NECTIN1: variants seen among roughly 807,000 people sequenced by gnomAD.
NECTIN1 encodes nectin cell adhesion molecule 1, also known as nectin-1.
NECTIN1 carries 23 observed loss-of-function variants against 48.0 expected under a neutral mutation model. The ratio of observed to expected loss-of-function variants is 0.48; its 90% CI spans 0.34 to 0.68. The LOEUF (loss-of-function observed/expected upper bound fraction) is 0.68. Among genes scored for constraint, NECTIN1 ranks in the 30% least tolerant of loss-of-function variants. The pLI is 0.01. For synonymous variants in NECTIN1, 270 were observed against 288.9 expected (o/e 0.93, Z 0.66); for missense variants, 591 against 709.9 (o/e 0.83, Z 1.90).
At position 119,663,964 on chromosome 11, in the gene NECTIN1, G is replaced by T. The variant is rs1334706841; in HGVS notation, c.*783C>A. ...GCAGTGTGTGCATGTGTGTGTGTGT[G>T]CACGTGTCAGCAGAGGCAGAGAGCA... On this transcript the variant is annotated 3_prime_UTR_variant, in exon 6 of 6. Transcript: ENST00000264025. 3.0e-6 allele frequency: 3 copies of T among 986,054 alleles called. No individual in the cohort carries two copies. Among genetic ancestry groups the T allele is most frequent in the Non-Finnish European group, 3.6e-6 (3 of 830,540 alleles). The allele number at this position is 986,054 out of a possible 1,614,324, so 61.1% of individuals were successfully genotyped here.
At position 119,680,856 on chromosome 11, in the gene NECTIN1, G is replaced by C. The variant is rs1023095604; in HGVS notation, c.80-2091C>G. 3.3e-5 allele frequency among the ~76,000 whole-genome samples: 5 copies of C among 152,310 alleles called. 1 individual carries two copies. The East Asian group carries it at 9.6e-4, about 29-fold the overall frequency. ...TCGGAGCTGATGCTCCCTGGGCAGAGGCCCCATGGGTTGGGAATACGATGG... is the reference window on the plus strand; with the variant it reads ...TCGGAGCTGATGCTCCCTGGGCAGACGCCCCATGGGTTGGGAATACGATGG... On this transcript the variant is annotated intron_variant, in intron 1 of 5. Coordinates refer to ENST00000264025, the MANE Select transcript of NECTIN1 (RefSeq NM_002855.5).
rs1864878112 is a variant in NECTIN1, at chr11:119,672,652, G to C, written c.1003+2507C>G. On this transcript the variant is annotated intron_variant, in intron 5 of 5. Coordinates refer to ENST00000264025, the MANE Select transcript of NECTIN1 (RefSeq NM_002855.5). The surrounding 1 kb of genome is among the most constrained non-coding windows in gnomAD (Gnocchi z 4.3). ...AGTCTAACCCACACACCTCGCCACG[G>C]TGCTTCCTGGCTGAGAGCCCTTCAG... Among the ~76,000 whole-genome samples, 1 of 152,146 alleles carries C rather than the reference G, an allele frequency of 6.6e-6. No homozygotes were observed. Among genetic ancestry groups the C allele is most frequent in the Non-Finnish European group, 1.5e-5 (1 of 68,022 alleles).
intron 1 of NECTIN1, among the ~76,000 whole-genome samples, chr11:119,705,904 A>C (rs1377030831): frequency 6.7e-6 from 1 of 150,106 alleles, no homozygotes; most frequent in Non-Finnish European, 1.5e-5. Flanking sequence ...CTGGCAGCCC[A>C]CTCCTTCTCC....
intron 1 of NECTIN1, among the ~76,000 whole-genome samples, chr11:119,686,377 C>A (rs1865154406): frequency 6.6e-6 from 1 of 152,178 alleles, no homozygotes; most frequent in African/African-American, 2.4e-5. Flanking sequence ...CCAAGCCTTG[C>A]CCCTTGTCCA....
chr11:119,698,291 A>C (rs963060840), intron 1 of NECTIN1, among the ~76,000 whole-genome samples: 1 of 151,980 alleles, frequency 6.6e-6, no homozygotes, highest in South Asian at 2.1e-4. Context: ...TGTCATAACT[A>C]CCCCCGACAC....
chr11:119,677,497 A>T lies in NECTIN1; in HGVS notation c.733+58T>A, dbSNP rs970916564. On this transcript the variant is annotated intron_variant, in intron 3 of 5. Transcript: ENST00000264025. The surrounding 1 kb of genome is among the most constrained non-coding windows in gnomAD (Gnocchi z 5.4). ...GAAAGGGAGGAGAAAGGAGAGGAGG[A>T]GGGAGGAGGGACAGTGGCGCCCACC... is the stretch of plus-strand genomic sequence containing the variant. 2.1e-5 allele frequency: 32 copies of T among 1,549,760 alleles called. No individual in the cohort carries two copies. Among genetic ancestry groups the T allele is most frequent in the Middle Eastern group, 4.4e-4 (2 of 4,514 alleles).
At chr11:119,648,307 A>ATGCTGGTGATGGTGGTGG (rs1864434148) in intron 5 of NECTIN1, among the ~76,000 whole-genome samples, 1 of 10,418 alleles carries the variant, frequency 9.6e-5, no homozygotes, top group Non-Finnish European at 1.8e-4. Flanking sequence ...GGTGGTGGTG[A>ATGCTGGTGATGGTGGTGG]TGGTGGTGAT....
intron 5 of NECTIN1, among the ~76,000 whole-genome samples, chr11:119,648,147 G>A (rs114169557): frequency 0.018 from 2,627 of 144,186 alleles, 95 homozygotes; most frequent in South Asian, 0.055. Flanking sequence ...ACTGAGCGGC[G>A]CCCAGAAATA....
chr11:119,662,993 G>T lies in NECTIN1; in HGVS notation c.*1754C>A. The T allele has an allele frequency of 1.0e-6, 1 of 984,274 alleles. No individual in the cohort carries two copies. Among genetic ancestry groups the T allele is most frequent in the Middle Eastern group, 5.2e-4 (1 of 1,914 alleles). 61.0% of individuals were successfully genotyped at this position (984,274 alleles called of 1,614,324 possible). A position where few individuals can be genotyped will look rare whatever the true frequency, so the allele number is the denominator to read the frequency against. On this transcript the variant is annotated 3_prime_UTR_variant, in exon 6 of 6. Coordinates refer to ENST00000264025, the MANE Select transcript of NECTIN1 (RefSeq NM_002855.5). The surrounding 1 kb of genome is among the most constrained non-coding windows in gnomAD (Gnocchi z 5.3). ...GGTTGCCAGGGCAGAAATGGAGCTGGCAGGGGGTTCAATAGCAGCACCAGG... is the reference window on the plus strand; with the variant it reads ...GGTTGCCAGGGCAGAAATGGAGCTGTCAGGGGGTTCAATAGCAGCACCAGG...
At chr11:119,656,000 C>T (rs186154468), downstream of NECTIN1, among the ~76,000 whole-genome samples, 22 of 152,290 alleles carry the variant, frequency 1.4e-4, no homozygotes, top group East Asian at 5.8e-4. Context: ...TGGGCTCAAG[C>T]GATCCTCCCA....
intron 6 of NECTIN1, chr11:119,639,859 G>A: frequency 6.2e-7 from 1 of 1,614,094 alleles, no homozygotes; most frequent in Non-Finnish European, 8.5e-7. Flanking sequence ...GTCCTGCCTG[G>A]CTCACCCGGC....
At chr11:119,640,305 T>G (rs1864305446) in intron 5 of NECTIN1, 1 of 465,196 alleles carries the variant, frequency 2.1e-6, no homozygotes, top group Non-Finnish European at 3.9e-6. Flanking sequence ...CAGCAGGTGC[T>G]GAGATGGGGT....
intron 1 of NECTIN1, among the ~76,000 whole-genome samples, chr11:119,679,953 C>T (rs1163906255): frequency 6.6e-6 from 1 of 152,228 alleles, no homozygotes; most frequent in East Asian, 1.9e-4. Flanking sequence ...GGTGGTTACA[C>T]ATCTGATTTC....
At position 119,709,313 on chromosome 11, in the gene NECTIN1, C is replaced by A. The variant is rs925264986; in HGVS notation, c.79+19162G>T. On this transcript the variant is annotated intron_variant, in intron 1 of 5. Transcript: ENST00000264025. The surrounding 1 kb of genome is among the most constrained non-coding windows in gnomAD (Gnocchi z 4.1). ...CCCAGTGTACCAGGGCCTGTCTCAG[C>A]CCCTGAGAATCTGGGATCACCAGCT... Among the ~76,000 whole-genome samples, 2 of 152,178 alleles carry A rather than the reference C, an allele frequency of 1.3e-5. No individual in the cohort carries two copies. The highest frequency in any genetic ancestry group is 2.4e-5 in the African/African-American group (1 of 41,430).
intron 5 of NECTIN1, among the ~76,000 whole-genome samples, chr11:119,644,094 G>A (rs1383900569): frequency 6.6e-6 from 1 of 152,212 alleles, no homozygotes; most frequent in Non-Finnish European, 1.5e-5. Context: ...CTCGGTCCTG[G>A]CTCACGCCGC....
intron 1 of NECTIN1, among the ~76,000 whole-genome samples, chr11:119,691,831 C>T (rs1865258883): frequency 6.6e-6 from 1 of 152,196 alleles, no homozygotes; most frequent in Non-Finnish European, 1.5e-5. Context: ...GCCCTCCTGC[C>T]TGGCCTGCCC....
intron 5 of NECTIN1, among the ~76,000 whole-genome samples, chr11:119,650,741 T>C (rs1003501212): frequency 1.3e-5 from 2 of 152,180 alleles, no homozygotes; most frequent in Non-Finnish European, 1.5e-5. Context: ...ACTCTCTTCA[T>C]GTCTTCATGT....
Position 119,646,303 on chromosome 11 carries a change from C to G in NECTIN1, c.1004-6291G>C, listed in dbSNP as rs189606672. 8.1e-4 allele frequency among the ~76,000 whole-genome samples: 124 copies of G among 152,346 alleles called. 1 individual carries two copies. The highest frequency in any genetic ancestry group is 1.2e-3 in the Non-Finnish European group (79 of 68,034). ...CTTGCCCGACTTCCAGTCCATCTCC[C>G]TGGAGCTGATGTAAAGTGCTTAGTA... On this transcript the variant is annotated intron_variant, in intron 5 of 7. Transcript: ENST00000341398.
intron 1 of NECTIN1, among the ~76,000 whole-genome samples, chr11:119,714,491 C>G (rs1247325066): frequency 2.0e-5 from 3 of 152,286 alleles, no homozygotes. Context: ...ATCCATCCCC[C>G]ATGGCGGTGC....
Sources: gnomAD v4.1 joint callset for allele counts (sites outside exome capture counted in the v4.1 genomes callset) on GRCh38, gnomAD v4.1.1 for gene constraint, Gnocchi (gnomAD v3.1) non-coding constraint, MANE v1.5 for transcripts, NCBI Gene and HGNC (gene_info 2026-07-23, HGNC 2026-07-21) for gene names.